The following FAF1 variants were observed in gnomAD, a reference collection of about 807,000 sequenced individuals.
FAF1 encodes FAS-associated factor 1.
FAF1 carries 25 observed loss-of-function variants against 92.5 expected under a neutral mutation model. That is an observed-to-expected ratio of 0.27 (90% CI 0.20 to 0.38). The LOEUF (loss-of-function observed/expected upper bound fraction) is 0.38. Among genes scored for constraint, FAF1 ranks in the 10% least tolerant of loss-of-function variants. The pLI is 1.00. For synonymous variants in FAF1, 234 were observed against 273.2 expected, an observed-to-expected ratio of 0.86 and a Z score of 1.42; for missense variants, 636 against 793.3, an observed-to-expected ratio of 0.80 and a Z score of 2.38.
At chr1:50,887,333 T>G (rs1447857367) in intron 1 of FAF1, among the ~76,000 whole-genome samples, 3 of 152,230 alleles carry the variant, frequency 2.0e-5, no homozygotes, top group Non-Finnish European at 2.9e-5. Flanking sequence ...GGTTGCCTGT[T>G]CACTCTGATG....
chr1:50,741,280 C>A (rs1261518667), intron 5 of FAF1, among the ~76,000 whole-genome samples: 3 of 152,126 alleles, frequency 2.0e-5, no homozygotes, highest in Non-Finnish European at 4.4e-5. Flanking sequence ...TAGCATCTGT[C>A]AGACAAAGAT....
chr1:50,818,055 A>G (rs1557542239), intron 2 of FAF1, among the ~76,000 whole-genome samples: 1 of 152,200 alleles, frequency 6.6e-6, no homozygotes. Flanking sequence ...GGACAGCAAG[A>G]AAATTTAAGG....
chr1:50,818,025 G>C (rs1643995332), intron 2 of FAF1, among the ~76,000 whole-genome samples: 1 of 152,082 alleles, frequency 6.6e-6, no homozygotes, highest in South Asian at 2.1e-4. Flanking sequence ...ATCAAAAATT[G>C]CTTGAGGTGG....
At chr1:50,774,791 A>T (rs1229247459) in intron 4 of FAF1, among the ~76,000 whole-genome samples, 1 of 152,144 alleles carries the variant, frequency 6.6e-6, no homozygotes, top group Non-Finnish European at 1.5e-5. Flanking sequence ...CCTCAAAGAG[A>T]TCACAATACT....
chr1:50,881,532 A>T (rs1017456285), intron 1 of FAF1, among the ~76,000 whole-genome samples: 1 of 152,226 alleles, frequency 6.6e-6, no homozygotes, highest in South Asian at 2.1e-4. Context: ...CAAAAGAAGG[A>T]ACATCCAGTC....
intron 15 of FAF1, among the ~76,000 whole-genome samples, chr1:50,492,528 T>C (rs192344650): frequency 7.9e-5 from 12 of 152,346 alleles, no homozygotes; most frequent in African/African-American, 2.6e-4. Context: ...AGTTAATTCA[T>C]GAACAGAATT....
chr1:50,624,645 AG>A (rs1557441761), intron 8 of FAF1, among the ~76,000 whole-genome samples: 4 of 152,234 alleles, frequency 2.6e-5, no homozygotes. Flanking sequence ...AAAACAAAAA[AG>A]GAAAAATAGA....
chr1:50,593,499 C>G (rs1032979996), intron 9 of FAF1, among the ~76,000 whole-genome samples: 7 of 152,158 alleles, frequency 4.6e-5, no homozygotes, highest in Admixed American at 3.3e-4. Flanking sequence ...AAAACAGACT[C>G]AAGCACTTTA....
At chr1:50,610,979 G>A (rs1354718602) in intron 8 of FAF1, among the ~76,000 whole-genome samples, 3 of 152,140 alleles carry the variant, frequency 2.0e-5, no homozygotes, top group Non-Finnish European at 2.9e-5. Flanking sequence ...TCCCAGGGTT[G>A]AGCTTTGTGC....
intron 4 of FAF1, among the ~76,000 whole-genome samples, chr1:50,774,830 C>A (rs1165303754): frequency 1.3e-5 from 2 of 152,004 alleles, no homozygotes; most frequent in South Asian, 2.1e-4. Flanking sequence ...TATAGGAGGA[C>A]AAATGCTTTA....
rs1229574331 is a variant in FAF1 at position 50,458,976 on chromosome 1, TC to T, written c.1869+16487del. Among the ~76,000 whole-genome samples the T allele has an allele frequency of 2.2e-3, 332 of 151,132 alleles. 1 individual carries two copies. Among genetic ancestry groups the T allele is most frequent in the Non-Finnish European group, 3.5e-3 (239 of 67,766 alleles). On this transcript the variant is annotated intron_variant, in intron 18 of 18. Transcript: ENST00000396153. ...CTCCCCTGCCCTGCCCTTTTTTTTT[TC>T]TTTTTTTTTTTTGAGACAGAGTCTT... is the stretch of plus-strand genomic sequence containing the variant.
chr1:50,753,712 C>A (rs1054593318), intron 4 of FAF1, among the ~76,000 whole-genome samples: 1 of 151,584 alleles, frequency 6.6e-6, no homozygotes, highest in Non-Finnish European at 1.5e-5. Context: ...TTTTTGAACA[C>A]AGGTAATACA....
At chr1:50,466,209 T>C (rs1557956511) in intron 18 of FAF1, among the ~76,000 whole-genome samples, 1 of 152,174 alleles carries the variant, frequency 6.6e-6, no homozygotes, top group Non-Finnish European at 1.5e-5. Context: ...ACTTTGAAAG[T>C]AAAACCAACA....
intron 7 of FAF1, among the ~76,000 whole-genome samples, chr1:50,661,976 G>A (rs753520308): frequency 1.3e-5 from 2 of 152,142 alleles, no homozygotes; most frequent in African/African-American, 4.8e-5. Flanking sequence ...GCTTGAAACC[G>A]GATGGTGCAA....
rs576135379 is a variant in FAF1 at position 50,787,206 on chromosome 1, A to G, written c.367+794T>C. The stretch of plus-strand genomic sequence containing the variant: ...CTTTCACCTCCTTTTGAAAAACAGC[A>G]TTTTTTCAACTGGCAGAGAGAAAAG... On this transcript the variant is annotated intron_variant, in intron 4 of 18. Coordinates refer to ENST00000396153, the MANE Select transcript of FAF1 (RefSeq NM_007051.3). Among the ~76,000 whole-genome samples, 6 of 152,252 alleles carry G rather than the reference A, an allele frequency of 3.9e-5. No homozygotes were observed. In the South Asian group the frequency reaches 1.2e-3, roughly 32 times the overall value.
intron 1 of FAF1, among the ~76,000 whole-genome samples, chr1:50,878,695 T>C (rs1029604706): frequency 2.0e-5 from 3 of 152,120 alleles, no homozygotes; most frequent in African/African-American, 7.2e-5. Flanking sequence ...AAGATAGATA[T>C]TATTATGCCC....
intron 2 of FAF1, among the ~76,000 whole-genome samples, chr1:50,828,721 C>A (rs1024552931): frequency 1.3e-5 from 2 of 152,062 alleles, no homozygotes; most frequent in Admixed American, 1.3e-4. Flanking sequence ...AAAAGAAACG[C>A]AGGAAAACAT....
chr1:50,627,828 C>A (rs1346941154), intron 8 of FAF1, among the ~76,000 whole-genome samples: 1 of 141,662 alleles, frequency 7.1e-6, no homozygotes, highest in East Asian at 1.9e-4. Context: ...TTGTTTTCAA[C>A]AAAACATTTT....
intron 8 of FAF1, among the ~76,000 whole-genome samples, chr1:50,631,711 G>A (rs1653798571): frequency 6.6e-6 from 1 of 152,196 alleles, no homozygotes; most frequent in South Asian, 2.1e-4. Context: ...TTTTGCTGCT[G>A]CACCCCAAAG....
Sources: allele counts gnomAD v4.1 joint callset (sites outside exome capture counted in the v4.1 genomes callset), GRCh38; gene constraint gnomAD v4.1.1; transcripts MANE v1.5; gene names NCBI Gene and HGNC (gene_info 2026-07-23, HGNC 2026-07-21).